ELMO1: variants seen among roughly 807,000 people sequenced by gnomAD.
ELMO1 encodes the protein engulfment and cell motility protein 1.
In ELMO1, 26 loss-of-function variants were observed where a neutral mutation model predicts 98.9. The observed-to-expected ratio is 0.26, with a 90% CI of 0.19 to 0.36. The LOEUF (loss-of-function observed/expected upper bound fraction) is 0.36. ELMO1 is among the 10% of genes least tolerant of loss of function. The probability of loss-of-function intolerance (pLI) is 1.00; values close to 1 mark genes in which losing one functional copy is unlikely to be tolerated. For synonymous variants in ELMO1, 346 were observed against 346.0 expected (o/e 1.00, Z 0.00); for missense variants, 627 against 935.2 (o/e 0.67, Z 4.30).
intron 20 of ELMO1, among the ~76,000 whole-genome samples, chr7:36,863,537 A>T (rs1453340556): frequency 6.6e-6 from 1 of 152,260 alleles, no homozygotes; most frequent in Non-Finnish European, 1.5e-5. Flanking sequence ...GCAAAAGCCA[A>T]ATATTATTAT....
At chr7:37,316,389 A>G (rs775332326) in intron 2 of ELMO1, among the ~76,000 whole-genome samples, 17 of 152,234 alleles carry the variant, frequency 1.1e-4, no homozygotes, top group Admixed American at 3.9e-4. Flanking sequence ...TGATATTTTT[A>G]TAAGAACATG....
At chr7:37,066,060 C>A (rs1461885914) in intron 15 of ELMO1, among the ~76,000 whole-genome samples, 1 of 152,158 alleles carries the variant, frequency 6.6e-6, no homozygotes, top group Non-Finnish European at 1.5e-5. Flanking sequence ...TGCCTGCTGC[C>A]ACGTAAGACA....
At chr7:37,306,560 T>A (rs947329416) in intron 4 of ELMO1, among the ~76,000 whole-genome samples, 40 of 152,324 alleles carry the variant, frequency 2.6e-4, no homozygotes, top group African/African-American at 9.4e-4. Flanking sequence ...GGCTGCTCAC[T>A]GTTCCACTGG....
At chr7:37,219,494 AAAAC>A (rs1236482451) in intron 10 of ELMO1, among the ~76,000 whole-genome samples, 1 of 152,246 alleles carries the variant, frequency 6.6e-6, no homozygotes, top group African/African-American at 2.4e-5. Context: ...GATACAACAA[AAAAC>A]AAACAAAAAA....
At chr7:37,211,711 G>T (rs1398767638) in intron 12 of ELMO1, among the ~76,000 whole-genome samples, 194 bp from the exon 13 acceptor site, 2 of 152,182 alleles carry the variant, frequency 1.3e-5, no homozygotes, top group Non-Finnish European at 2.9e-5. Context: ...TCTCCCTGCT[G>T]GTCAGGCCTG....
rs116326090 is a variant in ELMO1, at chr7:36,868,822, G to A, written c.1905+1571C>T. Among the ~76,000 whole-genome samples, 632 of 152,172 alleles carry A rather than the reference G, an allele frequency of 4.2e-3. 10 individuals carry two copies. Among genetic ancestry groups the A allele is most frequent in the African/African-American group, 0.015 (613 of 41,508 alleles). ...GTACACCCTTCCTGGTCTTCTCTGG[G>A]TTGCAGACTCCCAGACCCCTATTAT... On this transcript the variant is annotated intron_variant, in intron 20 of 21. Coordinates refer to ENST00000310758, the MANE Select transcript of ELMO1 (RefSeq NM_014800.11).
At chr7:37,061,260 T>A (rs371694246) in intron 15 of ELMO1, among the ~76,000 whole-genome samples, 1 of 152,164 alleles carries the variant, frequency 6.6e-6, no homozygotes, top group Non-Finnish European at 1.5e-5. Context: ...TAGAGACCAG[T>A]TGGTCTGTCA....
In ELMO1 at chr7:37,375,631, G is replaced by A. The variant is rs1802306684; in HGVS notation, c.-73-32868C>T. The stretch of plus-strand genomic sequence containing the variant: ...CATGCCTAAGCACCAGGAGCTGGCA[G>A]ACAAGAATGTGCCCAACCTTCAGGT... On this transcript the variant is annotated intron_variant, in intron 1 of 21. Transcript: ENST00000310758. 39 of 1,171,514 alleles carry A rather than the reference G, an allele frequency of 3.3e-5. No homozygotes were observed. The South Asian group carries it at 4.4e-4, about 13-fold the overall frequency. The allele number at this position is 1,171,514 out of a possible 1,614,324, so 72.6% of individuals were successfully genotyped here.
At chr7:36,941,371 G>GT (rs1787019444) in intron 16 of ELMO1, among the ~76,000 whole-genome samples, 1 of 152,222 alleles carries the variant, frequency 6.6e-6, no homozygotes, top group Admixed American at 6.5e-5. Flanking sequence ...GTTTTTCAGA[G>GT]TAAGCTCTGG....
intron 19 of ELMO1, among the ~76,000 whole-genome samples, chr7:36,877,691 A>C (rs764182352): frequency 2.0e-5 from 3 of 152,220 alleles, no homozygotes; most frequent in African/African-American, 4.8e-5. Context: ...AAGACAGCTG[A>C]CAGAATCAGG....
At chr7:37,320,594 CCTCT>C (rs1799431664) in intron 2 of ELMO1, among the ~76,000 whole-genome samples, 1 of 152,094 alleles carries the variant, frequency 6.6e-6, no homozygotes, top group Non-Finnish European at 1.5e-5. Context: ...GTAATTACTC[CCTCT>C]GTGTACTTAG....
At chr7:37,395,740 C>A (rs1803271693) in intron 1 of ELMO1, among the ~76,000 whole-genome samples, 1 of 152,172 alleles carries the variant, frequency 6.6e-6, no homozygotes, top group Non-Finnish European at 1.5e-5. Context: ...GTAAAGCAAG[C>A]ACCTCTGTTA....
At chr7:37,013,090 G>A (rs981559122) in intron 16 of ELMO1, among the ~76,000 whole-genome samples, 4 of 152,172 alleles carry the variant, frequency 2.6e-5, no homozygotes, top group Admixed American at 1.3e-4. Flanking sequence ...TGCTCCAAGC[G>A]TACCCCCAGA....
chr7:37,433,759 T>C (rs1805029146), intron 1 of ELMO1, among the ~76,000 whole-genome samples: 1 of 152,116 alleles, frequency 6.6e-6, no homozygotes, highest in Non-Finnish European at 1.5e-5. Context: ...TCTCTGAGTC[T>C]TTATGTCCCT....
At chr7:37,142,214 C>A (rs1787686777) in intron 13 of ELMO1, among the ~76,000 whole-genome samples, 1 of 152,180 alleles carries the variant, frequency 6.6e-6, no homozygotes. Flanking sequence ...TAAAAAGTAA[C>A]TTGCCATTAA....
chr7:36,865,452 C>T (rs1802965668), intron 20 of ELMO1, among the ~76,000 whole-genome samples: 1 of 152,204 alleles, frequency 6.6e-6, no homozygotes, highest in Non-Finnish European at 1.5e-5. Context: ...TTACAACTCT[C>T]CAGCCCCAAT....
At chr7:37,280,515 A>T (rs1193794092) in intron 4 of ELMO1, among the ~76,000 whole-genome samples, 1 of 152,174 alleles carries the variant, frequency 6.6e-6, no homozygotes, top group Non-Finnish European at 1.5e-5. Context: ...AGAAAAAAAA[A>T]ATCCCATCAA....
At chr7:37,293,692 A>G (rs4629746) in intron 4 of ELMO1, among the ~76,000 whole-genome samples, 65,327 of 76,726 alleles carry the variant, frequency 0.85, 29,563 homozygotes, top group Non-Finnish European at 0.99. Flanking sequence ...CCCCCTCTGT[A>G]AGAAACACCC....
At chr7:37,044,692 T>C (rs1795704319) in intron 15 of ELMO1, among the ~76,000 whole-genome samples, 1 of 152,210 alleles carries the variant, frequency 6.6e-6, no homozygotes, top group African/African-American at 2.4e-5. Flanking sequence ...GATGAACTCT[T>C]ACCCAGTCTC....
Sources: gnomAD v4.1 joint callset for allele counts (sites outside exome capture counted in the v4.1 genomes callset) on GRCh38, gnomAD v4.1.1 for gene constraint, MANE v1.5 for transcripts, NCBI Gene and HGNC (gene_info 2026-07-23, HGNC 2026-07-21) for gene names.